The following LAMA2 variants were observed in gnomAD, a reference collection of about 807,000 sequenced individuals.
The protein encoded by LAMA2 is laminin subunit alpha-2.
LAMA2 carries 269 observed loss-of-function variants against 364.8 expected under a neutral mutation model. The ratio of observed to expected loss-of-function variants is 0.74; its 90% CI spans 0.67 to 0.82. The LOEUF is 0.82. Ranked by LOEUF, LAMA2 falls within the 40% of genes least tolerant of loss-of-function variation. The probability of loss-of-function intolerance (pLI) is 0.00; values close to 1 mark genes in which losing one functional copy is unlikely to be tolerated. For synonymous variants in LAMA2, 1,379 were observed against 1,370.6 expected (o/e 1.01, Z -0.14); for missense variants, 3,807 against 3,873.2 (o/e 0.98, Z 0.45).
At chr6:129,469,675 A>G (rs560794324) in intron 51 of LAMA2, among the ~76,000 whole-genome samples, 12 of 151,484 alleles carry the variant, frequency 7.9e-5, no homozygotes, top group African/African-American at 2.7e-4. Flanking sequence ...GTGTTACTCA[A>G]AAACTGAAAA....
intron 29 of LAMA2, among the ~76,000 whole-genome samples, chr6:129,330,573 G>A (rs1043835620): frequency 1.8e-5 from 2 of 111,158 alleles, no homozygotes; most frequent in Non-Finnish European, 3.9e-5. Flanking sequence ...CATTTGAAGC[G>A]TTTTTTTGTT....
At chr6:128,909,318 T>C (rs1777722424) in intron 1 of LAMA2, among the ~76,000 whole-genome samples, 1 of 152,094 alleles carries the variant, frequency 6.6e-6, no homozygotes, top group Non-Finnish European at 1.5e-5. Context: ...ATCTGGGTGC[T>C]CCTGTGTTGG....
At chr6:129,220,896 T>G (rs1158191088) in intron 12 of LAMA2, among the ~76,000 whole-genome samples, 1 of 152,156 alleles carries the variant, frequency 6.6e-6, no homozygotes, top group East Asian at 1.9e-4. Flanking sequence ...GCACGGTGGC[T>G]CATGCCCGTA....
chr6:128,886,768 T>C (rs1053051588), intron 1 of LAMA2, among the ~76,000 whole-genome samples: 1 of 152,080 alleles, frequency 6.6e-6, no homozygotes, highest in African/African-American at 2.4e-5. Flanking sequence ...ATGGAGAAAA[T>C]AGCTCCTCTC....
chr6:129,509,865 C>T (rs1335463643), intron 62 of LAMA2, among the ~76,000 whole-genome samples: 2 of 151,982 alleles, frequency 1.3e-5, no homozygotes, highest in African/African-American at 4.8e-5. Flanking sequence ...GGAATTTTTT[C>T]TATTTCTGTG....
At chr6:129,222,127 C>A (rs933323218) in intron 12 of LAMA2, among the ~76,000 whole-genome samples, 4 of 152,072 alleles carry the variant, frequency 2.6e-5, no homozygotes, top group Admixed American at 2.6e-4. Context: ...TGCTCATGTT[C>A]AACTTCTTGG....
intron 1 of LAMA2, among the ~76,000 whole-genome samples, chr6:128,956,096 A>G (rs187814369): frequency 6.6e-6 from 1 of 152,146 alleles, no homozygotes; most frequent in Non-Finnish European, 1.5e-5. Context: ...TTACCATCAA[A>G]GATACATAAT....
intron 44 of LAMA2, among the ~76,000 whole-genome samples, chr6:129,444,453 A>G (rs1263182502): frequency 6.6e-6 from 1 of 152,202 alleles, no homozygotes; most frequent in Non-Finnish European, 1.5e-5. Context: ...CACTGTGTTT[A>G]TGCTATCTGT....
chr6:129,421,584 C>T (rs968169161), intron 40 of LAMA2, among the ~76,000 whole-genome samples: 1 of 152,066 alleles, frequency 6.6e-6, no homozygotes, highest in African/African-American at 2.4e-5. Context: ...CAATAACTTA[C>T]CAAGCAATGC....
At chr6:128,957,687 CTGA>C (rs5879916) in intron 1 of LAMA2, among the ~76,000 whole-genome samples, 124,588 of 151,610 alleles carry the variant, frequency 0.82, 51,495 homozygotes, top group South Asian at 0.88. Context: ...CAGTGTTTCA[CTGA>C]TGATCTTGTT....
intron 12 of LAMA2, among the ~76,000 whole-genome samples, chr6:129,235,618 C>A (rs1784932289): frequency 6.6e-6 from 1 of 152,154 alleles, no homozygotes; most frequent in African/African-American, 2.4e-5. Flanking sequence ...CTTTGTATGG[C>A]AGGAACTCTG....
intron 64 of LAMA2, among the ~76,000 whole-genome samples, chr6:129,515,713 T>G (rs1460711006): frequency 6.6e-6 from 1 of 152,250 alleles, no homozygotes; most frequent in Non-Finnish European, 1.5e-5. Flanking sequence ...ACTATAAATT[T>G]GTTCATCCCA....
At chr6:129,249,526 CCT>C (rs1350397188) in intron 12 of LAMA2, among the ~76,000 whole-genome samples, 2 of 152,068 alleles carry the variant, frequency 1.3e-5, no homozygotes, top group Non-Finnish European at 2.9e-5. Flanking sequence ...TCAAACTAAG[CCT>C]ATTTAATTGC....
rs893321260 is a variant in LAMA2 at position 129,252,252 on chromosome 6, C to G, written c.2053C>G (p.Leu685Val). The G allele has an allele frequency of 3.1e-6, 5 of 1,613,782 alleles. No individual in the cohort carries two copies. The highest frequency in any genetic ancestry group is 3.3e-5 in the Admixed American group (2 of 60,002). Reference sequence around the variant, plus strand: ...AGTGCTTGCGAATTTGAAGAGAGTCCTCCTACAAATCACATACAGCTTTGG... The same window carrying G: ...AGTGCTTGCGAATTTGAAGAGAGTCGTCCTACAAATCACATACAGCTTTGG... The part of the protein sequence containing the change: ...MTVLANLKRV[L>V]LQITYSFGMD... The change falls in exon 14 of 65, where the codon CTC (leucine) becomes GTC (valine). Residue 685 changes from leucine (L) to valine (V), a missense_variant. This residue lies in a region of LAMA2 where 3,333 missense variants were observed against 3,345.7 expected (regional missense o/e 1.00). Transcript: ENST00000421865.
chr6:129,210,959 C>T (rs775994060), intron 12 of LAMA2, among the ~76,000 whole-genome samples: 1 of 152,120 alleles, frequency 6.6e-6, no homozygotes, highest in Non-Finnish European at 1.5e-5. Flanking sequence ...GGTTATAGCA[C>T]ATGGCAGAGT....
intron 28 of LAMA2, among the ~76,000 whole-genome samples, chr6:129,326,621 A>T (rs1562462087): frequency 6.6e-6 from 1 of 150,722 alleles, no homozygotes; most frequent in Non-Finnish European, 1.5e-5. Context: ...GATTACAGAG[A>T]TAAAGTCCTA....
chr6:129,080,276 C>A (rs1012973687), intron 3 of LAMA2, among the ~76,000 whole-genome samples: 1 of 152,148 alleles, frequency 6.6e-6, no homozygotes, highest in Non-Finnish European at 1.5e-5. Context: ...GAATCCAGTT[C>A]TTTCTGATGT....
intron 42 of LAMA2, among the ~76,000 whole-genome samples, chr6:129,438,964 C>G (rs1382942227): frequency 6.6e-6 from 1 of 151,654 alleles, no homozygotes; most frequent in African/African-American, 2.4e-5. Context: ...TCTTTTATTG[C>G]CTTTAGCCAG....
At chr6:128,959,948 A>C (rs1781374638) in intron 1 of LAMA2, among the ~76,000 whole-genome samples, 1 of 152,068 alleles carries the variant, frequency 6.6e-6, no homozygotes, top group African/African-American at 2.4e-5. Context: ...AAGCAACTAG[A>C]TGTATGCCTA....
Sources: allele counts gnomAD v4.1 joint callset (sites outside exome capture counted in the v4.1 genomes callset), GRCh38; gene constraint gnomAD v4.1.1; regional missense constraint gnomAD v4.1.1; transcripts MANE v1.5; gene names NCBI Gene and HGNC (gene_info 2026-07-23, HGNC 2026-07-21).